Variants in KLRG1 observed in about 807,000 individuals in gnomAD.
KLRG1 encodes the protein killer cell lectin-like receptor subfamily G member 1.
Under a neutral mutation model 21.8 loss-of-function variants are expected in KLRG1, and 16 were observed. That is an observed-to-expected ratio of 0.73 (90% CI 0.50 to 1.11). KLRG1 has a LOEUF of 1.11. Ranked by LOEUF, KLRG1 falls within the 50% of genes most tolerant of loss-of-function variation. The pLI, the probability that KLRG1 is intolerant of heterozygous loss-of-function variation, is 0.00. For missense variants in KLRG1, 173 were observed against 218.3 expected (o/e 0.79, Z 1.31); for synonymous variants, 69 against 75.9 (o/e 0.91, Z 0.47).
the KLRG1 span, among the ~76,000 whole-genome samples, chr12:9,176,566 C>A: frequency 6.6e-6 from 1 of 152,178 alleles, no homozygotes; most frequent in Admixed American, 6.5e-5. Context: ...TTGGATAGAC[C>A]AATGTCTATG....
At chr12:9,146,650 A>G in the KLRG1 span, among the ~76,000 whole-genome samples, 1 of 152,152 alleles carries the variant, frequency 6.6e-6, no homozygotes. Context: ...GTATAGGAGA[A>G]GGTTCCTATC....
the KLRG1 span, chr12:9,095,539 C>T: frequency 6.2e-7 from 1 of 1,609,676 alleles, no homozygotes. Context: ...AGGAGTTTAC[C>T]TCTAGGAAGC....
the KLRG1 span, among the ~76,000 whole-genome samples, chr12:9,032,600 G>T: frequency 6.6e-6 from 1 of 152,110 alleles, no homozygotes; most frequent in Non-Finnish European, 1.5e-5. Flanking sequence ...ATTATGAGAG[G>T]GGCCTGAATT....
At chr12:9,123,610 T>A in the KLRG1 span, among the ~76,000 whole-genome samples, 1 of 152,316 alleles carries the variant, frequency 6.6e-6, no homozygotes, top group African/African-American at 2.4e-5. Context: ...ATTTTCCATT[T>A]AATATTTTTG....
the KLRG1 span, chr12:9,149,485 G>T: frequency 7.1e-7 from 1 of 1,407,882 alleles, no homozygotes; most frequent in Non-Finnish European, 9.8e-7. Context: ...AAGCCTTGTA[G>T]AGAATTTAAA....
the KLRG1 span, chr12:9,104,181 G>A: frequency 1.2e-4 from 179 of 1,551,898 alleles, 5 homozygotes; most frequent in South Asian, 2.1e-3. Flanking sequence ...TCACCCTTAG[G>A]TTGCAACCTT....
chr12:9,206,251 T>A, the KLRG1 span, among the ~76,000 whole-genome samples: 1 of 151,446 alleles, frequency 6.6e-6, no homozygotes, highest in Non-Finnish European at 1.5e-5. Context: ...AGAAGGTATA[T>A]ATATATTTAT....
At chr12:9,089,940 C>T in the KLRG1 span, 8 of 1,612,006 alleles carry the variant, frequency 5.0e-6, no homozygotes, top group African/African-American at 2.7e-5. Context: ...TCTTTCCTTC[C>T]GTGTTCAGGA....
the KLRG1 span, among the ~76,000 whole-genome samples, chr12:9,117,407 A>C: frequency 6.6e-6 from 1 of 152,130 alleles, no homozygotes; most frequent in Non-Finnish European, 1.5e-5. Context: ...GAACTATGGA[A>C]TTTGTGGTGG....
At chr12:9,074,207 G>A in the KLRG1 span, among the ~76,000 whole-genome samples, 1 of 152,088 alleles carries the variant, frequency 6.6e-6, no homozygotes, top group East Asian at 1.9e-4. Flanking sequence ...TGGATTTTGA[G>A]TAGAGTTCCT....
chr12:9,106,362 A>T, the KLRG1 span: 1 of 1,563,908 alleles, frequency 6.4e-7, no homozygotes, highest in African/African-American at 1.4e-5. Context: ...AAAGAGAAAA[A>T]AATCTGTTAT....
At chr12:9,177,855 AC>A in the KLRG1 span, among the ~76,000 whole-genome samples, 1 of 152,236 alleles carries the variant, frequency 6.6e-6, no homozygotes, top group Non-Finnish European at 1.5e-5. Flanking sequence ...TGAAAGGTAG[AC>A]TAAATTCCTG....
intron 1 of KLRG1, among the ~76,000 whole-genome samples, chr12:8,975,060 T>A (rs778838023): frequency 1.3e-5 from 2 of 152,064 alleles, no homozygotes; most frequent in East Asian, 3.9e-4. Context: ...CATGCCTGGC[T>A]AATTTTTTTT....
At chr12:9,058,183 G>C in the KLRG1 span, 1 of 152,160 alleles carries the variant, frequency 6.6e-6, no homozygotes, top group Non-Finnish European at 1.5e-5. Context: ...AATAGATCTA[G>C]ACTGATAGCA....
intron 3 of KLRG1, among the ~76,000 whole-genome samples, chr12:9,002,717 C>T (rs985291067): frequency 8.6e-5 from 13 of 151,694 alleles, no homozygotes; most frequent in African/African-American, 3.2e-4. Context: ...CAGGCATGTG[C>T]CACCATGCCC....
At chr12:9,051,829 T>C in the KLRG1 span, among the ~76,000 whole-genome samples, 1 of 152,246 alleles carries the variant, frequency 6.6e-6, no homozygotes, top group African/African-American at 2.4e-5. Context: ...AGGCCCCAAT[T>C]GAGAACTGCT....
chr12:8,989,508 A>G, upstream of KLRG1: 3 of 629,446 alleles, frequency 4.8e-6, no homozygotes, highest in Non-Finnish European at 8.3e-6. Context: ...TTCCTGAAAA[A>G]TTACTTCTGC....
the KLRG1 span, chr12:9,148,851 G>C: frequency 1.2e-6 from 1 of 810,350 alleles, no homozygotes; most frequent in South Asian, 1.7e-5. Flanking sequence ...AGTTTGACCA[G>C]AAGTACATAT....
chr12:9,092,915 A>G, the KLRG1 span, among the ~76,000 whole-genome samples: 2 of 152,230 alleles, frequency 1.3e-5, no homozygotes, highest in African/African-American at 4.8e-5. Flanking sequence ...ATGGAATATT[A>G]TTCAGCCTTA....
Sources: gnomAD v4.1 joint callset for allele counts (sites outside exome capture counted in the v4.1 genomes callset) on GRCh38, gnomAD v4.1.1 for gene constraint, MANE v1.5 for transcripts, NCBI Gene and HGNC (gene_info 2026-07-23, HGNC 2026-07-21) for gene names.